Variants in GGA2 observed in about 807,000 individuals in gnomAD.
GGA2 encodes golgi associated, gamma adaptin ear containing, ARF binding protein 2, also known as ADP-ribosylation factor-binding protein GGA2.
GGA2 carries 48 observed loss-of-function variants against 79.5 expected under a neutral mutation model. The observed-to-expected ratio is 0.60, with a 90% CI of 0.48 to 0.77. The LOEUF (loss-of-function observed/expected upper bound fraction) is 0.77. Ranked by LOEUF, GGA2 falls within the 30% of genes least tolerant of loss-of-function variation. The probability of loss-of-function intolerance (pLI) is 0.00; values close to 1 mark genes in which losing one functional copy is unlikely to be tolerated. For missense variants in GGA2, 770 were observed against 774.0 expected, an observed-to-expected ratio of 0.99 and a Z score of 0.06; for synonymous variants, 317 against 302.0, an observed-to-expected ratio of 1.05 and a Z score of -0.51.
At chr16:23,472,428 C>A (rs1964522994) in intron 14 of GGA2, among the ~76,000 whole-genome samples, 1 of 151,654 alleles carries the variant, frequency 6.6e-6, no homozygotes, top group Admixed American at 6.6e-5. Context: ...AAACTCCTGA[C>A]CTCAGGTGCT....
chr16:23,477,559 C>T (rs1445225279), intron 13 of GGA2, among the ~76,000 whole-genome samples: 2 of 151,954 alleles, frequency 1.3e-5, no homozygotes, highest in African/African-American at 4.8e-5. Flanking sequence ...CTGGCTAACA[C>T]AGTGAAACCC....
At chr16:23,510,290 G>A in intron 1 of GGA2, 31 bp downstream of exon 1, 5 of 1,359,994 alleles carry the variant, frequency 3.7e-6, no homozygotes, top group Non-Finnish European at 4.8e-6. Context: ...GCGGCGCAGC[G>A]GCTGCGCCGA....
chr16:23,494,135 G>A (rs896589735), intron 3 of GGA2, 168 bp downstream of exon 3: 1 of 613,572 alleles, frequency 1.6e-6, no homozygotes. Context: ...GGAGGAAGAA[G>A]GGTGGGGACC....
chr16:23,507,575 C>G (rs1964987249), intron 1 of GGA2, among the ~76,000 whole-genome samples: 1 of 151,976 alleles, frequency 6.6e-6, no homozygotes, highest in Admixed American at 6.6e-5. Context: ...TTGCAGTGAG[C>G]TGAGATCGTG....
chr16:23,510,168 G>A, intron 1 of GGA2, 153 bp downstream of exon 1: 1 of 396,698 alleles, frequency 2.5e-6, no homozygotes, highest in Admixed American at 4.7e-5. Context: ...GGGGACCCCT[G>A]GGCGATCTTC....
intron 9 of GGA2, 92 bp downstream of exon 9, chr16:23,482,831 T>G: frequency 1.2e-6 from 1 of 828,138 alleles, no homozygotes; most frequent in Non-Finnish European, 2.1e-6. Flanking sequence ...GAAAGTCCAC[T>G]CTGTCTTGTT....
intron 9 of GGA2, among the ~76,000 whole-genome samples, chr16:23,481,640 G>A (rs1964649646): frequency 6.6e-6 from 1 of 152,098 alleles, no homozygotes; most frequent in Non-Finnish European, 1.5e-5. Context: ...AGGTGTGGTG[G>A]TGCGCAACTG....
rs1333069732 is a variant in GGA2, at chr16:23,467,451, A to C, written c.*139T>G. ...ACACACACAGAGCATCTGCAGAATAAGTCAGAGGTTGACACCCAGAGCCTG... is the reference window on the plus strand; with the variant it reads ...ACACACACAGAGCATCTGCAGAATACGTCAGAGGTTGACACCCAGAGCCTG... On this transcript the variant is annotated 3_prime_UTR_variant, in exon 17 of 17. Coordinates refer to ENST00000309859, the MANE Select transcript of GGA2 (RefSeq NM_015044.4). 1 of 557,294 alleles carries C rather than the reference A, an allele frequency of 1.8e-6. No individual in the cohort carries two copies. Among genetic ancestry groups the C allele is most frequent in the Admixed American group, 2.5e-5 (1 of 40,112 alleles). The allele number at this position is 557,294 out of a possible 1,614,324, so 34.5% of individuals were successfully genotyped here. A position where few individuals can be genotyped will look rare whatever the true frequency, so the allele number is the denominator to read the frequency against.
chr16:23,506,874 T>C (rs1361462968), intron 1 of GGA2, among the ~76,000 whole-genome samples: 1 of 110,028 alleles, frequency 9.1e-6, no homozygotes, highest in Non-Finnish European at 1.8e-5. Context: ...AAGGTGTCCT[T>C]CCTCTCTGTG....
upstream of GGA2, chr16:23,510,524 CG>C: frequency 2.4e-6 from 1 of 412,142 alleles, no homozygotes; most frequent in Non-Finnish European, 4.1e-6. Flanking sequence ...CGTGACGGGG[CG>C]GGGCCGCTGG....
rs1225375082 is a variant in GGA2 at position 23,463,940 on chromosome 16, C to T, written c.*3650G>A. ...TACAATCACGCCACTGCACTCCAGC[C>T]TGGGCAACAGAGCAAAGCCCTGTCT... On this transcript the variant is annotated 3_prime_UTR_variant, in exon 17 of 17. Coordinates refer to ENST00000309859, the MANE Select transcript of GGA2 (RefSeq NM_015044.4). 6.6e-6 allele frequency: 1 copy of T among 152,296 alleles called. No individual in the cohort carries two copies. Among genetic ancestry groups the T allele is most frequent in the Non-Finnish European group, 1.5e-5 (1 of 68,090 alleles). 9.4% of individuals were successfully genotyped at this position (152,296 alleles called of 1,614,324 possible).
At chr16:23,493,537 T>C in intron 3 of GGA2, 79 bp from the exon 4 acceptor site, 1 of 920,486 alleles carries the variant, frequency 1.1e-6, no homozygotes, top group Non-Finnish European at 1.8e-6. Context: ...AATCACTTGC[T>C]GGAGACTGCG....
rs1964602811 is a variant in GGA2 at position 23,478,350 on chromosome 16, C to T, written c.1292+18G>A. The stretch of plus-strand genomic sequence containing the variant: ...TCAGGAGCCACACTCTCCCACTCCC[C>T]TTGCCCAGAAGACTCACAGAGGGCA... On this transcript the variant is annotated intron_variant, in intron 13 of 16. Coordinates refer to ENST00000309859, the MANE Select transcript of GGA2 (RefSeq NM_015044.4). 1.3e-6 allele frequency: 2 copies of T among 1,556,800 alleles called. No individual in the cohort carries two copies. Among genetic ancestry groups the T allele is most frequent in the Non-Finnish European group, 1.7e-6 (2 of 1,150,668 alleles).
intron 5 of GGA2, among the ~76,000 whole-genome samples, chr16:23,491,325 A>AC (rs1230346152): frequency 1.3e-5 from 2 of 151,460 alleles, no homozygotes; most frequent in African/African-American, 4.8e-5. Flanking sequence ...AAAAAAAAAA[A>AC]AAAACCAAAA....
intron 8 of GGA2, among the ~76,000 whole-genome samples, chr16:23,485,447 G>A (rs556633600): frequency 6.6e-6 from 1 of 152,310 alleles, no homozygotes; most frequent in Non-Finnish European, 1.5e-5. Flanking sequence ...AATCACCCTT[G>A]AAGATAGCTT....
intron 14 of GGA2, 52 bp downstream of exon 14, chr16:23,474,851 TA>T: frequency 7.4e-7 from 1 of 1,359,370 alleles, no homozygotes; most frequent in Non-Finnish European, 1.1e-6. Flanking sequence ...GCTGGGAGTC[TA>T]ATAGATTCCC....
chr16:23,490,191 C>T (rs1161513715), intron 5 of GGA2, among the ~76,000 whole-genome samples: 1 of 152,168 alleles, frequency 6.6e-6, no homozygotes, highest in Non-Finnish European at 1.5e-5. Context: ...CTAGCTAGCC[C>T]CCAACCTAAA....
upstream of GGA2, chr16:23,523,220 G>T (rs1359706722): frequency 6.6e-6 from 1 of 152,238 alleles, no homozygotes; most frequent in Non-Finnish European, 1.5e-5. Flanking sequence ...AAGCCTGGTA[G>T]GGGTTCATGT....
At chr16:23,480,836 C>A in intron 9 of GGA2, 66 bp from the exon 10 acceptor site, 1 of 1,513,118 alleles carries the variant, frequency 6.6e-7, no homozygotes, top group Non-Finnish European at 9.1e-7. Flanking sequence ...CTTTTCTAAG[C>A]TTTTCCATAA....
Sources: allele counts gnomAD v4.1 joint callset (sites outside exome capture counted in the v4.1 genomes callset), GRCh38; gene constraint gnomAD v4.1.1; transcripts MANE v1.5; gene names NCBI Gene and HGNC (gene_info 2026-07-23, HGNC 2026-07-21).